The following TBC1D5 variants were observed in gnomAD, a reference collection of about 807,000 sequenced individuals.
The protein encoded by TBC1D5 is TBC1 domain family member 5.
In TBC1D5, 75 loss-of-function variants were observed where a neutral mutation model predicts 100.3. The ratio of observed to expected loss-of-function variants is 0.75; its 90% CI spans 0.62 to 0.91. The LOEUF is 0.91. TBC1D5 is among the 40% of genes least tolerant of loss of function. The probability of loss-of-function intolerance (pLI) is 0.00; values close to 1 mark genes in which losing one functional copy is unlikely to be tolerated. For synonymous variants in TBC1D5, 323 were observed against 325.6 expected, an observed-to-expected ratio of 0.99 and a Z score of 0.09; for missense variants, 910 against 942.4, an observed-to-expected ratio of 0.97 and a Z score of 0.45.
chr3:17,171,791 C>G (rs2067196064), intron 19 of TBC1D5, among the ~76,000 whole-genome samples: 1 of 152,120 alleles, frequency 6.6e-6, no homozygotes, highest in African/African-American at 2.4e-5. Context: ...AATATTGGAC[C>G]TAGTACAGCA....
At chr3:17,533,993 G>C (rs1327079219) in intron 2 of TBC1D5, among the ~76,000 whole-genome samples, 1 of 152,054 alleles carries the variant, frequency 6.6e-6, no homozygotes, top group African/African-American at 2.4e-5. Context: ...ACCAAGTCCA[G>C]CACTGTATTT....
At chr3:17,244,178 A>G (rs1170415942) in intron 16 of TBC1D5, among the ~76,000 whole-genome samples, 2 of 152,228 alleles carry the variant, frequency 1.3e-5, no homozygotes, top group Non-Finnish European at 1.5e-5. Flanking sequence ...CTGGAACTGT[A>G]CAAGTAGAGA....
chr3:17,694,845 G>A (rs146642105), intron 1 of TBC1D5, among the ~76,000 whole-genome samples: 3 of 152,194 alleles, frequency 2.0e-5, no homozygotes, highest in Non-Finnish European at 4.4e-5. Flanking sequence ...GGCAGCCAGA[G>A]AGAAAGGTCG....
intron 3 of TBC1D5, among the ~76,000 whole-genome samples, chr3:17,470,440 A>G (rs2095359453): frequency 6.6e-6 from 1 of 152,216 alleles, no homozygotes; most frequent in Non-Finnish European, 1.5e-5. Flanking sequence ...AGGAGAGAAC[A>G]CCCTAAGAAT....
intron 1 of TBC1D5, among the ~76,000 whole-genome samples, chr3:17,676,484 G>A (rs190767024): frequency 5.6e-4 from 85 of 152,238 alleles, no homozygotes; most frequent in African/African-American, 1.6e-3. Context: ...ACAAACCACT[G>A]CTCAACGAAA....
intron 1 of TBC1D5, among the ~76,000 whole-genome samples, chr3:17,631,392 G>A (rs112485808): frequency 0.017 from 2,557 of 152,314 alleles, 27 homozygotes; most frequent in Admixed American, 0.026. Context: ...TAACATTAAA[G>A]TGCAAAGTGA....
chr3:17,715,325 T>C (rs1050119166), intron 1 of TBC1D5, among the ~76,000 whole-genome samples: 1 of 152,210 alleles, frequency 6.6e-6, no homozygotes, highest in Non-Finnish European at 1.5e-5. Flanking sequence ...CCCATTTCTA[T>C]TTTTAGAGAG....
At chr3:17,410,232 A>G (rs185582956) in intron 4 of TBC1D5, among the ~76,000 whole-genome samples, 2 of 152,280 alleles carry the variant, frequency 1.3e-5, no homozygotes, top group East Asian at 1.9e-4. Flanking sequence ...GGATGATAGC[A>G]TATCTGTTTG....
At chr3:17,583,799 G>A (rs888961397) in intron 2 of TBC1D5, among the ~76,000 whole-genome samples, 1 of 152,150 alleles carries the variant, frequency 6.6e-6, no homozygotes, top group African/African-American at 2.4e-5. Flanking sequence ...CAGTTTGATG[G>A]TTCCTCAAAA....
At chr3:17,674,747 A>C (rs1577384536) in intron 1 of TBC1D5, among the ~76,000 whole-genome samples, 1 of 152,268 alleles carries the variant, frequency 6.6e-6, no homozygotes, top group South Asian at 2.1e-4. Context: ...TCAATATAAC[A>C]TAGAAAGTAC....
intron 1 of TBC1D5, among the ~76,000 whole-genome samples, chr3:17,713,598 A>G (rs913169724): frequency 6.6e-6 from 1 of 152,184 alleles, no homozygotes; most frequent in African/African-American, 2.4e-5. Context: ...ATGTGAAAAG[A>G]CAAGCCACAG....
chr3:17,600,574 G>T (rs569939872), intron 2 of TBC1D5, among the ~76,000 whole-genome samples: 9 of 152,086 alleles, frequency 5.9e-5, no homozygotes, highest in Non-Finnish European at 1.2e-4. Flanking sequence ...AATTCCATAA[G>T]AAAAATGTTC....
At chr3:17,458,418 C>A (rs1252313562) in intron 3 of TBC1D5, among the ~76,000 whole-genome samples, 2 of 152,132 alleles carry the variant, frequency 1.3e-5, no homozygotes, top group Non-Finnish European at 2.9e-5. Context: ...CTGTTCCTCA[C>A]CACGGAGGGC....
intron 8 of TBC1D5, among the ~76,000 whole-genome samples, chr3:17,391,574 A>T (rs1430134484): frequency 6.6e-6 from 1 of 152,042 alleles, no homozygotes; most frequent in Non-Finnish European, 1.5e-5. Context: ...AAAAAAAAAA[A>T]TACCTAAAAT....
At chr3:17,493,471 G>A (rs1372173171) in intron 3 of TBC1D5, among the ~76,000 whole-genome samples, 1 of 152,124 alleles carries the variant, frequency 6.6e-6, no homozygotes, top group Non-Finnish European at 1.5e-5. Context: ...ATGTTGGCAT[G>A]TCTTGCTAGG....
intron 1 of TBC1D5, among the ~76,000 whole-genome samples, chr3:17,680,711 G>A (rs1430808771): frequency 6.6e-6 from 1 of 151,210 alleles, no homozygotes. Flanking sequence ...GTACTAAGAT[G>A]GTCAATACTG....
intron 15 of TBC1D5, among the ~76,000 whole-genome samples, chr3:17,282,390 A>G (rs959114068): frequency 2.0e-5 from 3 of 152,234 alleles, no homozygotes; most frequent in African/African-American, 7.2e-5. Context: ...TCTCTCCCCA[A>G]TAACCTAGAT....
Position 17,259,712 on chromosome 3 carries a change from C to CG in TBC1D5, c.1246-1122dup, listed in dbSNP as rs35911600. ...GCACTGATACACTTGCATGCAGGCA[C>CG]GGGGGGGGTTGCGGGGGGATATAAT... On this transcript the variant is annotated intron_variant, in intron 15 of 21. Coordinates refer to ENST00000253692, the Ensembl canonical transcript of TBC1D5. 8.2e-4 allele frequency among the ~76,000 whole-genome samples: 93 copies of CG among 113,644 alleles called. 1 individual carries two copies. The highest frequency in any genetic ancestry group is 9.4e-3 in the Middle Eastern group (2 of 212). 74.6% of individuals were successfully genotyped at this position (113,644 alleles called of 152,430 possible).
chr3:17,637,825 A>G (rs2064108590), intron 1 of TBC1D5, among the ~76,000 whole-genome samples: 1 of 152,210 alleles, frequency 6.6e-6, no homozygotes, highest in Non-Finnish European at 1.5e-5. Flanking sequence ...AATATGATTT[A>G]AAATGTTAAA....
Sources: gnomAD v4.1 joint callset for allele counts (sites outside exome capture counted in the v4.1 genomes callset) on GRCh38, gnomAD v4.1.1 for gene constraint, MANE v1.5 for transcripts, NCBI Gene and HGNC (gene_info 2026-07-23, HGNC 2026-07-21) for gene names.